The following USH2A variants were observed in gnomAD, a reference collection of about 807,000 sequenced individuals.
USH2A encodes the protein Usher syndrome 2A (autosomal recessive, mild).
In USH2A, 443 loss-of-function variants were observed where a neutral mutation model predicts 538.9. That is an observed-to-expected ratio of 0.82 (90% CI 0.76 to 0.89). The LOEUF is 0.89. USH2A is among the 40% of genes least tolerant of loss of function. The probability of loss-of-function intolerance (pLI) is 0.00; values close to 1 mark genes in which losing one functional copy is unlikely to be tolerated. For synonymous variants in USH2A, 2,413 were observed against 2,273.5 expected, an observed-to-expected ratio of 1.06 and a Z score of -1.75; for missense variants, 6,633 against 6,324.8, an observed-to-expected ratio of 1.05 and a Z score of -1.65.
chr1:215,650,828 C>T (rs769137221), intron 64 of USH2A, 27 bp from the exon 65 acceptor site: 1 of 1,013,278 alleles, frequency 9.9e-7, no homozygotes, highest in Non-Finnish European at 1.4e-6. Flanking sequence ...ACAAGACTGT[C>T]AAAAGCAAGA....
intron 43 of USH2A, among the ~76,000 whole-genome samples, chr1:215,875,970 A>G (rs961410359): frequency 6.9e-6 from 1 of 145,782 alleles, no homozygotes; most frequent in African/African-American, 2.5e-5. Context: ...ATAAAAATAC[A>G]TATTATATCA....
At chr1:215,713,884 C>G (rs988925493) in intron 61 of USH2A, among the ~76,000 whole-genome samples, 1 of 152,176 alleles carries the variant, frequency 6.6e-6, no homozygotes, top group Non-Finnish European at 1.5e-5. Flanking sequence ...AAAGAAAAGG[C>G]TTTAGAAGCT....
At chr1:216,064,523 A>C (rs1214711481) in intron 30 of USH2A, among the ~76,000 whole-genome samples, 1 of 150,926 alleles carries the variant, frequency 6.6e-6, no homozygotes. Context: ...TAATTTTCTC[A>C]TCAAACTTAT....
rs888486511 is a variant in USH2A at position 215,688,875 on chromosome 1, G to A, written c.12067-8499C>T. On this transcript the variant is annotated intron_variant, in intron 61 of 71. Coordinates refer to ENST00000307340, the MANE Select transcript of USH2A (RefSeq NM_206933.4). ...GAACACAATCCATTTCATAACATGG[G>A]TCAAGAGAGGGAGGGGAGACATTCA... Among the ~76,000 whole-genome samples, 14 of 152,198 alleles carry A rather than the reference G, an allele frequency of 9.2e-5. No individual in the cohort carries two copies. In the South Asian group the frequency reaches 1.9e-3, roughly 20 times the overall value.
intron 9 of USH2A, among the ~76,000 whole-genome samples, chr1:216,306,838 A>T (rs2037326339): frequency 6.6e-6 from 1 of 152,194 alleles, no homozygotes; most frequent in Non-Finnish European, 1.5e-5. Context: ...AGCAGCCTCC[A>T]GACTGGTAGT....
chr1:215,789,800 C>T (rs1220209026), intron 51 of USH2A, among the ~76,000 whole-genome samples: 3 of 152,110 alleles, frequency 2.0e-5, no homozygotes, highest in Admixed American at 2.0e-4. Flanking sequence ...TTCAGTGGCA[C>T]ACAGACTTTC....
At chr1:215,939,216 G>T (rs766086349) in intron 37 of USH2A, among the ~76,000 whole-genome samples, 2 of 152,104 alleles carry the variant, frequency 1.3e-5, no homozygotes, top group African/African-American at 2.4e-5. Flanking sequence ...AGGAAGAAAA[G>T]ATTTTTTGTG....
intron 11 of USH2A, among the ~76,000 whole-genome samples, chr1:216,288,579 CTG>C (rs2036934892): frequency 6.6e-6 from 1 of 152,028 alleles, no homozygotes; most frequent in African/African-American, 2.4e-5. Flanking sequence ...GAGTATATAA[CTG>C]TTTAAAATTA....
chr1:216,076,826 TTA>T, intron 27 of USH2A, among the ~76,000 whole-genome samples: 1 of 152,288 alleles, frequency 6.6e-6, no homozygotes, highest in East Asian at 1.9e-4. Flanking sequence ...CATGAAAATT[TTA>T]ACCATTCAGG....
chr1:215,808,318 C>T (rs566501465), intron 49 of USH2A, among the ~76,000 whole-genome samples: 1 of 152,022 alleles, frequency 6.6e-6, no homozygotes, highest in African/African-American at 2.4e-5. Flanking sequence ...TAAAACACAC[C>T]ATCTCTAGGA....
chr1:215,756,498 A>G (rs2102739097), intron 58 of USH2A, among the ~76,000 whole-genome samples: 1 of 152,338 alleles, frequency 6.6e-6, no homozygotes, highest in East Asian at 1.9e-4. Context: ...TTTGGATTGT[A>G]GAAGACCCTG....
rs545162090 is a variant in USH2A at position 216,120,918 on chromosome 1, C to A, written c.4628-23705G>T. On this transcript the variant is annotated intron_variant, in intron 21 of 71. Transcript: ENST00000307340. ...ATATGATTACATGAGACAGCAAGAA[C>A]AAGCAAAACTTATATACTTTTACAT... is the stretch of plus-strand genomic sequence containing the variant. 5.3e-5 allele frequency among the ~76,000 whole-genome samples: 8 copies of A among 151,040 alleles called. No homozygotes were observed. The East Asian group carries it at 1.6e-3, about 31-fold the overall frequency.
intron 21 of USH2A, among the ~76,000 whole-genome samples, chr1:216,116,563 G>T (rs1261989849): frequency 6.6e-6 from 1 of 151,964 alleles, no homozygotes; most frequent in East Asian, 1.9e-4. Context: ...CCAAGCAATT[G>T]GACCAATACG....
rs1035957816 is a variant in USH2A, at chr1:216,403,948, G to A, written c.651+14566C>T. On this transcript the variant is annotated intron_variant, in intron 3 of 71. Coordinates refer to ENST00000307340, the MANE Select transcript of USH2A (RefSeq NM_206933.4). ...ACACCTCACTCTTCTCTCTCCTGAC[G>A]CCACGTGAGGAAGGTCCTTGCTTTC... 2.6e-5 allele frequency among the ~76,000 whole-genome samples: 4 copies of A among 151,988 alleles called. No homozygotes were observed. In the East Asian group the frequency reaches 7.8e-4, roughly 29 times the overall value.
At chr1:215,660,666 C>G (rs900807854) in intron 64 of USH2A, among the ~76,000 whole-genome samples, 5 of 152,072 alleles carry the variant, frequency 3.3e-5, no homozygotes, top group African/African-American at 1.2e-4. Flanking sequence ...GTTAAAATTT[C>G]TCAAAAAGTC....
At position 215,664,271 on chromosome 1, in the gene USH2A, TTATAA is replaced by T. The variant is rs773129663; in HGVS notation, c.14133+6696_14133+6700del. 6.6e-5 allele frequency among the ~76,000 whole-genome samples: 10 copies of T among 152,220 alleles called. 1 individual carries two copies. The highest frequency in any genetic ancestry group is 1.0e-4 in the Non-Finnish European group (7 of 68,032). On this transcript the variant is annotated intron_variant, in intron 64 of 71. Coordinates refer to ENST00000307340, the MANE Select transcript of USH2A (RefSeq NM_206933.4). ...TTTATTATTTATTTACATTCATATG[TTATAA>T]TATAGCTATACTTTAAAAAATATAT...
intron 44 of USH2A, among the ~76,000 whole-genome samples, chr1:215,866,236 G>A (rs754228775): frequency 4.5e-4 from 68 of 152,058 alleles, no homozygotes; most frequent in African/African-American, 6.3e-4. Context: ...CCTGATAGTC[G>A]TCAGGGATTG....
intron 64 of USH2A, among the ~76,000 whole-genome samples, chr1:215,656,974 C>T (rs1373812007): frequency 6.6e-6 from 1 of 152,148 alleles, no homozygotes; most frequent in Non-Finnish European, 1.5e-5. Context: ...TTATTTGTTT[C>T]CTAGGGGCAT....
intron 13 of USH2A, among the ~76,000 whole-genome samples, chr1:216,238,009 A>C (rs1172728384): frequency 6.6e-6 from 1 of 152,202 alleles, no homozygotes; most frequent in Admixed American, 6.5e-5. Context: ...ACTTTGATGC[A>C]TTGATTTTTA....
Sources: gnomAD v4.1 joint callset for allele counts (sites outside exome capture counted in the v4.1 genomes callset) on GRCh38, gnomAD v4.1.1 for gene constraint, MANE v1.5 for transcripts, NCBI Gene and HGNC (gene_info 2026-07-23, HGNC 2026-07-21) for gene names.